Variants in SHROOM4 observed in about 807,000 individuals in gnomAD.
The protein encoded by SHROOM4 is shroom family member 4, also known as protein Shroom4.
SHROOM4 carries 17 observed loss-of-function variants against 80.3 expected under a neutral mutation model. The observed-to-expected ratio is 0.21, with a 90% CI of 0.14 to 0.32. The LOEUF is 0.32. Ranked by LOEUF, SHROOM4 falls within the 10% of genes least tolerant of loss-of-function variation. SHROOM4 has a pLI of 1.00. For synonymous variants in SHROOM4, 400 were observed against 437.5 expected, an observed-to-expected ratio of 0.91 and a Z score of 1.07; for missense variants, 993 against 1,140.3, an observed-to-expected ratio of 0.87 and a Z score of 1.86.
At chrX:50,665,435 G>T (rs1439939123) in intron 2 of SHROOM4, among the ~76,000 whole-genome samples, 1 of 110,784 alleles carries the variant, frequency 9.0e-6, no homozygotes, top group African/African-American at 3.3e-5. Context: ...GTGAGGCAAG[G>T]GAGAAAGCAT....
intron 5 of SHROOM4, among the ~76,000 whole-genome samples, chrX:50,609,786 A>G (rs1485873409): frequency 9.0e-6 from 1 of 110,648 alleles, no homozygotes; most frequent in East Asian, 2.8e-4. Flanking sequence ...AGAAAATTAA[A>G]AAGACTATCA....
intron 1 of SHROOM4, among the ~76,000 whole-genome samples, chrX:50,713,669 C>T (rs1423208330): frequency 6.3e-5 from 7 of 111,992 alleles, no homozygotes; most frequent in African/African-American, 2.3e-4. Context: ...CTAAGGTTCA[C>T]CCTGTCCTCA....
At chrX:50,600,062 T>G (rs1051525197) in intron 7 of SHROOM4, among the ~76,000 whole-genome samples, 13 of 111,417 alleles carry the variant, frequency 1.2e-4, no homozygotes, top group Non-Finnish European at 2.3e-4. Context: ...GGCCTTAGGA[T>G]AGATACCTAA....
chrX:50,655,847 T>G (rs966032634), intron 2 of SHROOM4, among the ~76,000 whole-genome samples: 4 of 110,554 alleles, frequency 3.6e-5, no homozygotes, highest in Non-Finnish European at 5.7e-5. Context: ...CCCCTACTGT[T>G]TTCCATAATG....
At chrX:50,599,257 T>A (rs1192730296) in intron 7 of SHROOM4, among the ~76,000 whole-genome samples, 2 of 111,370 alleles carry the variant, frequency 1.8e-5, no homozygotes, top group African/African-American at 3.3e-5. Context: ...TCTCCTTCAA[T>A]CCATTTAAGT....
At chrX:50,691,258 T>C (rs1214980728) in intron 2 of SHROOM4, among the ~76,000 whole-genome samples, 1 of 111,927 alleles carries the variant, frequency 8.9e-6, no homozygotes, top group Non-Finnish European at 1.9e-5. Flanking sequence ...AAATGGTTCA[T>C]AAATATAATA....
chrX:50,630,307 T>C (rs782402299), intron 4 of SHROOM4, among the ~76,000 whole-genome samples: 1 of 105,992 alleles, frequency 9.4e-6, no homozygotes, highest in East Asian at 3.0e-4. Context: ...CAAAAGTCTC[T>C]CAAGCTAAGC....
intron 1 of SHROOM4, among the ~76,000 whole-genome samples, chrX:50,737,883 A>C (rs1383637939): frequency 9.0e-5 from 10 of 111,495 alleles, no homozygotes; most frequent in Non-Finnish European, 1.7e-4. Flanking sequence ...AAAAAAAGAG[A>C]ATTTTAGACC....
intron 2 of SHROOM4, among the ~76,000 whole-genome samples, chrX:50,647,776 T>C (rs1557258124): frequency 9.0e-6 from 1 of 111,360 alleles, no homozygotes; most frequent in Admixed American, 9.5e-5. Context: ...TCTCTACTAC[T>C]AAAGACATGG....
At chrX:50,802,650 A>G (rs1314732825) in intron 1 of SHROOM4, among the ~76,000 whole-genome samples, 3 of 112,141 alleles carry the variant, frequency 2.7e-5, no homozygotes, top group Non-Finnish European at 5.6e-5. Flanking sequence ...TCATGGAAGC[A>G]ATTATGTGAC....
At chrX:50,696,074 G>T in intron 1 of SHROOM4, 137 bp from the exon 2 acceptor site, 1 of 655,724 alleles carries the variant, frequency 1.5e-6, no homozygotes, top group Non-Finnish European at 2.4e-6. Context: ...TAGCTCAGGA[G>T]CTGATCACAG....
chrX:50,601,479 C>T (rs1165647138), intron 7 of SHROOM4, among the ~76,000 whole-genome samples: 2 of 112,164 alleles, frequency 1.8e-5, no homozygotes, highest in Non-Finnish European at 3.8e-5. Flanking sequence ...TAACTTCCTA[C>T]GGGTCATATC....
intron 6 of SHROOM4, among the ~76,000 whole-genome samples, chrX:50,606,053 GC>G (rs1331936469): frequency 1.9e-5 from 2 of 105,997 alleles, no homozygotes; most frequent in Non-Finnish European, 3.9e-5. Flanking sequence ...TTGAGAAGCA[GC>G]CACATGGGAT....
At chrX:50,610,401 A>C (rs1370951262) in intron 5 of SHROOM4, among the ~76,000 whole-genome samples, 4 of 103,471 alleles carry the variant, frequency 3.9e-5, no homozygotes, top group Non-Finnish European at 7.9e-5. Context: ...GACAAGTGGA[A>C]AGTAAAAAAA....
intron 1 of SHROOM4, among the ~76,000 whole-genome samples, chrX:50,769,975 C>T (rs1221645479): frequency 1.0e-4 from 11 of 109,773 alleles, no homozygotes; most frequent in South Asian, 4.2e-4. Context: ...CACATGTTCT[C>T]GGGGGGAATA....
chrX:50,733,134 T>A (rs1298648674), intron 1 of SHROOM4, among the ~76,000 whole-genome samples: 2 of 111,808 alleles, frequency 1.8e-5, no homozygotes, highest in Non-Finnish European at 3.8e-5. Context: ...ATGTAATACA[T>A]CATATCAATA....
In SHROOM4 at chrX:50,598,181, A is replaced by C. The variant is rs1557246989; in HGVS notation, c.4212+85T>G. 1.1e-5 allele frequency: 13 copies of C among 1,146,076 alleles called. No homozygotes were observed. In the East Asian group the frequency reaches 3.9e-4, roughly 34 times the overall value. The allele number at this position is 1,146,076 out of a possible 1,213,427, so 94.4% of individuals were successfully genotyped here. A position where few individuals can be genotyped will look rare whatever the true frequency, so the allele number is the denominator to read the frequency against. The stretch of plus-strand genomic sequence containing the variant: ...TTAATCCCATGCTCTACTGTTTCCT[A>C]TAGTAGCCCAACTTGAAAGAGGGAG... On this transcript the variant is annotated intron_variant, in intron 8 of 8. Transcript: ENST00000376020.
intron 1 of SHROOM4, among the ~76,000 whole-genome samples, chrX:50,807,101 C>T (rs1402665480): frequency 8.9e-6 from 1 of 112,371 alleles, no homozygotes; most frequent in Non-Finnish European, 1.9e-5. Context: ...GACCTCTACA[C>T]TCTCTTCCTC....
intron 5 of SHROOM4, among the ~76,000 whole-genome samples, chrX:50,622,048 C>T (rs1253675370): frequency 9.8e-5 from 11 of 112,005 alleles, no homozygotes; most frequent in Admixed American, 5.7e-4. Flanking sequence ...TCTTCATCTG[C>T]AAAACTGGGT....
Sources: gnomAD v4.1 joint callset for allele counts (sites outside exome capture counted in the v4.1 genomes callset) on GRCh38, gnomAD v4.1.1 for gene constraint, MANE v1.5 for transcripts, NCBI Gene and HGNC (gene_info 2026-07-23, HGNC 2026-07-21) for gene names.